Variants in CEP44 observed in about 807,000 individuals in gnomAD.
CEP44 encodes centrosomal protein of 44 kDa.
CEP44 carries 45 observed loss-of-function variants against 46.7 expected under a neutral mutation model. The observed-to-expected ratio is 0.96, with a 90% confidence interval of 0.76 to 1.24. The LOEUF (loss-of-function observed/expected upper bound fraction) is 1.24, where lower values mean the gene tolerates loss of function less well. CEP44 is among the 50% of genes most tolerant of loss of function. The probability of loss-of-function intolerance (pLI) is 0.00; values close to 1 mark genes in which losing one functional copy is unlikely to be tolerated. For synonymous variants in CEP44, 142 were observed against 146.0 expected (o/e 0.97, Z 0.20); for missense variants, 475 against 459.7 (o/e 1.03, Z -0.30).
downstream of CEP44, among the ~76,000 whole-genome samples, chr4:174,320,909 A>T (rs1263004192): frequency 6.6e-6 from 1 of 152,116 alleles, no homozygotes; most frequent in Admixed American, 6.6e-5. Context: ...TAATCGAAGA[A>T]ACATAGTAAG....
At chr4:174,299,439 ATTTATCT>A (rs1739457758) in intron 3 of CEP44, among the ~76,000 whole-genome samples, 1 of 152,218 alleles carries the variant, frequency 6.6e-6, no homozygotes, top group Non-Finnish European at 1.5e-5. Flanking sequence ...GAAGCACAGT[ATTTATCT>A]GTATAAGTTA....
intron 4 of CEP44, among the ~76,000 whole-genome samples, 171 bp from the exon 5 acceptor site, chr4:174,303,532 T>C (rs920608597): frequency 2.0e-5 from 3 of 152,226 alleles, no homozygotes; most frequent in Non-Finnish European, 4.4e-5. Flanking sequence ...TCTTACTGGA[T>C]CATGACTTAA....
rs546353002 is a variant in CEP44, at chr4:174,290,224, T to C, written c.-148+6281T>C. On this transcript the variant is annotated intron_variant, in intron 1 of 11. Transcript: ENST00000503780. The surrounding 1 kb of genome is among the most constrained non-coding windows in gnomAD (Gnocchi z 4.3). ...TTCTGCTTTTACTGCATCCTATATG[T>C]TTGGGTATACTGTGTTTTTATTATT... Among the ~76,000 whole-genome samples, 9 of 152,260 alleles carry C rather than the reference T, an allele frequency of 5.9e-5. No homozygotes were observed. Among genetic ancestry groups the C allele is most frequent in the African/African-American group, 1.9e-4 (8 of 41,558 alleles).
rs1737653431 is a variant in CEP44, at chr4:174,287,041, A to T, written c.-148+3098A>T. 3.3e-5 allele frequency among the ~76,000 whole-genome samples: 5 copies of T among 152,088 alleles called. No individual in the cohort carries two copies. Among genetic ancestry groups the T allele is most frequent in the Admixed American group, 2.0e-4 (3 of 15,268 alleles). On this transcript the variant is annotated intron_variant, in intron 1 of 11. Coordinates refer to ENST00000503780, the MANE Select transcript of CEP44 (RefSeq NM_001040157.3). The surrounding 1 kb of genome is among the most constrained non-coding windows in gnomAD (Gnocchi z 5.1). ...AGTAGACAGCTGGCTAACCAGCAGG[A>T]GTTTGGGACCGATGACAGTGCAAAA...
At position 174,311,053 on chromosome 4, in the gene CEP44, G is replaced by T. The variant is rs1420303228; in HGVS notation, c.961+195G>T. ...CCTACTTATTTCACATAACATAGTG[G>T]GTGAATAAATTTCAGTGTACAAAAT... On this transcript the variant is annotated intron_variant, in intron 9 of 11. Transcript: ENST00000503780. This position sits in a 1 kb window ranked among gnomAD's most constrained non-coding sequence, Gnocchi z 4.4. Among the ~76,000 whole-genome samples the T allele has an allele frequency of 6.6e-6, 1 of 151,818 alleles. No homozygotes were observed. The highest frequency in any genetic ancestry group is 1.5e-5 in the Non-Finnish European group (1 of 67,848).
chr4:174,303,487 A>C (rs1201435751), intron 4 of CEP44, among the ~76,000 whole-genome samples: 1 of 152,164 alleles, frequency 6.6e-6, no homozygotes, highest in Admixed American at 6.5e-5. Flanking sequence ...GTTCTCCAGC[A>C]TATCCTTTGC....
intron 9 of CEP44, among the ~76,000 whole-genome samples, chr4:174,313,373 C>T (rs1230918078): frequency 7.1e-6 from 1 of 140,908 alleles, no homozygotes; most frequent in Non-Finnish European, 1.5e-5. Flanking sequence ...GCCTTTTTTC[C>T]CTCAGAGGAA....
At chr4:174,308,894 A>G (rs780650100) in intron 7 of CEP44, 35 bp downstream of exon 7, 1 of 1,571,548 alleles carries the variant, frequency 6.4e-7, no homozygotes, top group South Asian at 1.1e-5. Flanking sequence ...AGATGCCAGT[A>G]TTTTTTACTT....
At position 174,313,528 on chromosome 4, in the gene CEP44, G is replaced by T. The variant is rs140321598; in HGVS notation, c.962-2638G>T. The stretch of plus-strand genomic sequence containing the variant: ...GGAGTTTATCCCAGAGTCGTAGGAA[G>T]ATTTTCAGCAAGGCTAATATTCTTA... On this transcript the variant is annotated intron_variant, in intron 9 of 11. Transcript: ENST00000503780. Among the ~76,000 whole-genome samples, 10 of 152,230 alleles carry T rather than the reference G, an allele frequency of 6.6e-5. No homozygotes were observed. The East Asian group carries it at 1.9e-3, about 29-fold the overall frequency.
Position 174,320,236 on chromosome 4 carries a change from G to GA in CEP44, c.*2859dup. On this transcript the variant is annotated 3_prime_UTR_variant, in exon 12 of 12. Coordinates refer to ENST00000503780, the MANE Select transcript of CEP44 (RefSeq NM_001040157.3). ...GGTAAAGCTAAGTACTATTGAGTTG[G>GA]AAAAAAGTAATTCTATCATGTTTGC... 4 of 984,804 alleles carry GA rather than the reference G, an allele frequency of 4.1e-6. No homozygotes were observed. Among genetic ancestry groups the GA allele is most frequent in the Non-Finnish European group, 4.8e-6 (4 of 829,588 alleles). The allele number at this position is 984,804 out of a possible 1,614,324, so 61.0% of individuals were successfully genotyped here.
chr4:174,321,460 G>A (rs904898223), downstream of CEP44, among the ~76,000 whole-genome samples: 56 of 152,090 alleles, frequency 3.7e-4, no homozygotes, highest in African/African-American at 1.3e-3. Context: ...AAAATTAGGT[G>A]TAAGCTTTGT....
chr4:174,327,163 G>A (rs1406153371), intron 8 of CEP44, among the ~76,000 whole-genome samples: 1 of 146,892 alleles, frequency 6.8e-6, no homozygotes, highest in African/African-American at 2.5e-5. Context: ...ACGTGTGTGT[G>A]TGTATATATA....
rs1394917950 is a variant in CEP44 at position 174,314,917 on chromosome 4, A to T, written c.962-1249A>T. On this transcript the variant is annotated intron_variant, in intron 9 of 11. Transcript: ENST00000503780. This position sits in a 1 kb window ranked among gnomAD's most constrained non-coding sequence, Gnocchi z 4.1. ...AGTTCAAAGTGTGATGAGTCAAATT[A>T]CATTCTCTCTCTTAGCATTTGGAAT... is the stretch of plus-strand genomic sequence containing the variant. Among the ~76,000 whole-genome samples the T allele has an allele frequency of 6.6e-6, 1 of 152,178 alleles. No homozygotes were observed. Among genetic ancestry groups the T allele is most frequent in the Non-Finnish European group, 1.5e-5 (1 of 68,012 alleles).
chr4:174,320,858 G>C (rs1742269782), downstream of CEP44, among the ~76,000 whole-genome samples: 1 of 151,640 alleles, frequency 6.6e-6, no homozygotes, highest in Non-Finnish European at 1.5e-5. Context: ...GGGTAAGGGG[G>C]CAAAACTAGA....
Position 174,318,076 on chromosome 4 carries a change from AG to A in CEP44, c.*700del, listed in dbSNP as rs1005327903. ...ATGCTCTATTGTATAATTTTTTTGG[AG>A]GGGGGGATGGAGTTTCGCTGTTGTT... On this transcript the variant is annotated 3_prime_UTR_variant, in exon 12 of 12. Coordinates refer to ENST00000503780, the MANE Select transcript of CEP44 (RefSeq NM_001040157.3). 1.8e-4 allele frequency: 174 copies of A among 984,732 alleles called. No homozygotes were observed. The highest frequency in any genetic ancestry group is 1.0e-3 in the Middle Eastern group (2 of 1,914). 61.0% of individuals were successfully genotyped at this position (984,732 alleles called of 1,614,324 possible). A position where few individuals can be genotyped will look rare whatever the true frequency, so the allele number is the denominator to read the frequency against.
chr4:174,292,508 C>T (rs1026692520), intron 1 of CEP44, among the ~76,000 whole-genome samples: 1 of 152,096 alleles, frequency 6.6e-6, no homozygotes, highest in Admixed American at 6.6e-5. Flanking sequence ...TATTAAGTTA[C>T]TTAGTGGTGT....
chr4:174,285,314 A>G (rs186699002), intron 1 of CEP44: 11 of 152,338 alleles, frequency 7.2e-5, no homozygotes, highest in African/African-American at 2.2e-4. Flanking sequence ...TGAATTTTAT[A>G]GTAGACTTAG....
rs1360308893 is a variant in CEP44, at chr4:174,303,693, T to A, written c.238-10T>A. 2 of 1,500,124 alleles carry A rather than the reference T, an allele frequency of 1.3e-6. No individual in the cohort carries two copies. The highest frequency in any genetic ancestry group is 1.8e-6 in the Non-Finnish European group (2 of 1,100,008). 92.9% of individuals were successfully genotyped at this position (1,500,124 alleles called of 1,614,324 possible). Reference sequence around the variant, plus strand: ...CTCCCAATTATTACAAGAGTCTGTTTCCTCTGCAGCTTCTTCGTGATCAAT... The same window carrying A: ...CTCCCAATTATTACAAGAGTCTGTTACCTCTGCAGCTTCTTCGTGATCAAT... On this transcript the variant is annotated splice_polypyrimidine_tract_variant and intron_variant, in intron 4 of 11. Coordinates refer to ENST00000503780, the MANE Select transcript of CEP44 (RefSeq NM_001040157.3).
intron 1 of CEP44, among the ~76,000 whole-genome samples, chr4:174,291,832 C>T (rs1208752699): frequency 3.3e-5 from 4 of 121,582 alleles, no homozygotes; most frequent in Non-Finnish European, 6.6e-5. Flanking sequence ...GCTCTGTTGC[C>T]CAGGCTGGAG....
Sources: gnomAD v4.1 joint callset for allele counts (sites outside exome capture counted in the v4.1 genomes callset) on GRCh38, gnomAD v4.1.1 for gene constraint, Gnocchi (gnomAD v3.1) non-coding constraint, MANE v1.5 for transcripts, NCBI Gene and HGNC (gene_info 2026-07-23, HGNC 2026-07-21) for gene names.